Variants in DHRS12 observed in about 807,000 individuals in gnomAD.
DHRS12 encodes the protein dehydrogenase/reductase 12.
In DHRS12, 29 loss-of-function variants were observed where a neutral mutation model predicts 32.1. That is an observed-to-expected ratio of 0.90 (90% CI 0.67 to 1.23). The LOEUF (loss-of-function observed/expected upper bound fraction) is 1.23, where lower values mean the gene tolerates loss of function less well. Among genes scored for constraint, DHRS12 ranks in the 50% most tolerant of loss-of-function variants. DHRS12 has a pLI of 0.00. For synonymous variants in DHRS12, 150 were observed against 135.9 expected, an observed-to-expected ratio of 1.10 and a Z score of -0.72; for missense variants, 330 against 337.2, an observed-to-expected ratio of 0.98 and a Z score of 0.17.
intron 2 of DHRS12, among the ~76,000 whole-genome samples, chr13:51,791,793 A>G (rs1006617385): frequency 1.3e-5 from 2 of 151,616 alleles, no homozygotes; most frequent in Non-Finnish European, 2.9e-5. Flanking sequence ...CCACCATTCC[A>G]CTCTTTGGTT....
At chr13:51,795,788 A>G (rs1243558883) in intron 2 of DHRS12, among the ~76,000 whole-genome samples, 1 of 152,142 alleles carries the variant, frequency 6.6e-6, no homozygotes, top group Non-Finnish European at 1.5e-5. Flanking sequence ...ATCTTCCTCT[A>G]GTAACTGCCA....
the DHRS12 span, among the ~76,000 whole-genome samples, chr13:51,757,680 T>G: frequency 3.5e-4 from 54 of 152,252 alleles, no homozygotes; most frequent in African/African-American, 1.3e-3. Context: ...TGTTTGTTTT[T>G]TATTTTGTTT....
At chr13:51,789,579 A>G (rs1362007672) in intron 4 of DHRS12, 1 of 985,330 alleles carries the variant, frequency 1.0e-6, no homozygotes, top group East Asian at 1.1e-4. Context: ...CTCTGCTATT[A>G]CAGAGTAGCA....
Position 51,769,243 on chromosome 13 carries a change from G to A in DHRS12, c.610C>T (p.Arg204Cys), listed in dbSNP as rs754822484. The A allele has an allele frequency of 6.3e-6, 10 of 1,590,478 alleles. No individual in the cohort carries two copies. The highest frequency in any genetic ancestry group is 1.7e-5 in the Admixed American group (1 of 57,384). The change falls in exon 8 of 9, where the codon CGC becomes TGC. Residue 204 changes from arginine (R) to cysteine (C), a missense_variant. Arg to Cys is a radical substitution (Grantham distance 180). Transcript: ENST00000444610. ...GFHARFGDRL[R>C]SEAQGADTML... ...GTGTCCGCGCCCTGGGCCTCGGAGC[G>A]CAGGCGGTCCCCGAACCTGGCGTGG...
At chr13:51,776,103 A>AT (rs1954367485) in intron 5 of DHRS12, 1 of 95,734 alleles carries the variant, frequency 1.0e-5, no homozygotes, top group Admixed American at 1.2e-4. Context: ...TGTATTCTAC[A>AT]GTATTCTCCT....
rs987678759 is a variant in DHRS12, at chr13:51,790,370, C to T, written c.220-278G>A. 1.1e-4 allele frequency among the ~76,000 whole-genome samples: 17 copies of T among 152,144 alleles called. 1 individual carries two copies. Among genetic ancestry groups the T allele is most frequent in the Middle Eastern group, 6.8e-3 (2 of 294 alleles). On this transcript the variant is annotated intron_variant, in intron 3 of 8. Transcript: ENST00000444610. ...CTCTGGAAATTCATCTAGTCCAGAA[C>T]GGTCCAATAGAAATATCTAATCTTA...
downstream of DHRS12, chr13:51,767,972 G>A: frequency 7.3e-7 from 1 of 1,362,670 alleles, no homozygotes. Flanking sequence ...CTTAAAATAA[G>A]AAAAGAACCT....
At chr13:51,800,449 C>T (rs931741657) in intron 1 of DHRS12, among the ~76,000 whole-genome samples, 1 of 152,230 alleles carries the variant, frequency 6.6e-6, no homozygotes, top group Non-Finnish European at 1.5e-5. Context: ...GCAGTGGTGG[C>T]AGAATGGTGG....
At chr13:51,772,321 T>A (rs1319570092) in intron 6 of DHRS12, among the ~76,000 whole-genome samples, 1 of 152,142 alleles carries the variant, frequency 6.6e-6, no homozygotes, top group Non-Finnish European at 1.5e-5. Context: ...CAGACCGGCA[T>A]ACGGTGTGTG....
In DHRS12 at chr13:51,768,201, G is replaced by A. The variant is rs1238240999; in HGVS notation, c.793C>T (p.Gln265Ter). ...TCTGGGTTGGCCTATTTAAATGTCT[G>A]AGCCAGCTGTTCCAGGATTTCAATG... ...KLIEILEQLA[Q>*]TFK The change falls in exon 9 of 9, where the codon CAG becomes TAG. Residue 265 changes from glutamine (Q) to a stop codon, truncating the protein, a stop_gained. Coordinates refer to ENST00000444610, the MANE Select transcript of DHRS12 (RefSeq NM_001377533.1). LOFTEE classifies it high-confidence loss of function. The A allele has an allele frequency of 6.5e-7, 1 of 1,536,024 alleles. No individual in the cohort carries two copies. Among genetic ancestry groups the A allele is most frequent in the Non-Finnish European group, 8.7e-7 (1 of 1,146,926 alleles).
intron 6 of DHRS12, chr13:51,772,579 G>C: frequency 1.0e-6 from 1 of 964,740 alleles, no homozygotes; most frequent in African/African-American, 1.8e-5. Context: ...CCAAGGAGAT[G>C]GAGGTTGCAG....
At chr13:51,781,870 C>A (rs1233908184) in intron 4 of DHRS12, among the ~76,000 whole-genome samples, 1 of 152,178 alleles carries the variant, frequency 6.6e-6, no homozygotes, top group Non-Finnish European at 1.5e-5. Flanking sequence ...ACTCTGTCAG[C>A]CTTATGGAGG....
chr13:51,768,920 T>C, intron 8 of DHRS12: 2 of 1,395,694 alleles, frequency 1.4e-6, no homozygotes, highest in East Asian at 5.6e-5. Flanking sequence ...TCTCCCGTTC[T>C]CACAGGACCT....
At chr13:51,771,246 C>T in intron 7 of DHRS12, 1 of 1,551,902 alleles carries the variant, frequency 6.4e-7, no homozygotes, top group Non-Finnish European at 8.7e-7. Flanking sequence ...CTTTCAGTTC[C>T]CTTGTTTGTA....
At chr13:51,788,031 T>TGG in intron 4 of DHRS12, among the ~76,000 whole-genome samples, 1 of 149,846 alleles carries the variant, frequency 6.7e-6, no homozygotes, top group Admixed American at 6.8e-5. Context: ...GGTGGGTGGA[T>TGG]GGGTGAGCAA....
chr13:51,771,747 G>C, intron 7 of DHRS12, 74 bp downstream of exon 7: 1 of 1,548,252 alleles, frequency 6.5e-7, no homozygotes, highest in Non-Finnish European at 8.9e-7. Context: ...TTCCTGGGGA[G>C]AGTCAATCCT....
chr13:51,789,638 C>G, intron 4 of DHRS12: 1 of 985,448 alleles, frequency 1.0e-6, no homozygotes, highest in South Asian at 4.7e-5. Flanking sequence ...CTTGGTCCAT[C>G]TTCTTGCCCA....
At chr13:51,786,603 C>A (rs1258776490) in intron 4 of DHRS12, among the ~76,000 whole-genome samples, 1 of 152,174 alleles carries the variant, frequency 6.6e-6, no homozygotes, top group East Asian at 1.9e-4. Context: ...AGGCCCCACC[C>A]GCCCCCGCAA....
At chr13:51,797,752 G>T in intron 2 of DHRS12, 1 of 1,439,762 alleles carries the variant, frequency 6.9e-7, no homozygotes, top group Non-Finnish European at 9.4e-7. Flanking sequence ...AGGGAAAGCG[G>T]GTAGGAGTCC....
Sources: gnomAD v4.1 joint callset for allele counts (sites outside exome capture counted in the v4.1 genomes callset) on GRCh38, gnomAD v4.1.1 for gene constraint, MANE v1.5 for transcripts, NCBI Gene and HGNC (gene_info 2026-07-23, HGNC 2026-07-21) for gene names.